MARK2: variants seen among roughly 807,000 people sequenced by gnomAD.
MARK2 encodes the protein microtubule affinity regulating kinase 2.
A neutral mutation model predicts 89.8 loss-of-function variants in MARK2; 16 were observed. The ratio of observed to expected loss-of-function variants is 0.18; its 90% confidence interval spans 0.12 to 0.27. The LOEUF (loss-of-function observed/expected upper bound fraction) is 0.27, where lower values mean the gene tolerates loss of function less well. Ranked by LOEUF, MARK2 falls within the 10% of genes least tolerant of loss-of-function variation. MARK2 has a pLI of 1.00. For synonymous variants in MARK2, 382 were observed against 399.5 expected (o/e 0.96, Z 0.52); for missense variants, 621 against 1,049.9 (o/e 0.59, Z 5.65).
intron 1 of MARK2, among the ~76,000 whole-genome samples, chr11:63,858,767 C>G (rs957333013): frequency 1.3e-5 from 2 of 152,190 alleles, no homozygotes; most frequent in Non-Finnish European, 2.9e-5. Flanking sequence ...CTTTTGTAAA[C>G]AGAGATAGGA....
At chr11:63,883,792 G>T (rs1939240894) in intron 1 of MARK2, among the ~76,000 whole-genome samples, 1 of 152,054 alleles carries the variant, frequency 6.6e-6, no homozygotes, top group Admixed American at 6.6e-5. Flanking sequence ...TTGCCATGTT[G>T]CCCAGGCTGG....
chr11:63,900,469 C>A lies in MARK2; in HGVS notation c.769-90C>A. The A allele has an allele frequency of 6.9e-7, 1 of 1,457,464 alleles. No homozygotes were observed. The highest frequency in any genetic ancestry group is 9.4e-7 in the Non-Finnish European group (1 of 1,065,452). The allele number at this position is 1,457,464 out of a possible 1,614,324, so 90.3% of individuals were successfully genotyped here. On this transcript the variant is annotated intron_variant, in intron 8 of 18. Coordinates refer to ENST00000402010, the MANE Select transcript of MARK2 (RefSeq NM_001039469.3). This position sits in a 1 kb window ranked among gnomAD's most constrained non-coding sequence, Gnocchi z 4.7. ...CCATATTTCATTTATGTCTGCTTTG[C>A]CAGGCTTAAGCTCTCAGGATCTTGG...
At chr11:63,867,538 C>CT (rs1002698545) in intron 1 of MARK2, among the ~76,000 whole-genome samples, 4 of 152,226 alleles carry the variant, frequency 2.6e-5, no homozygotes, top group Non-Finnish European at 5.9e-5. Flanking sequence ...TTGTAAGGGG[C>CT]TTTTTCCAAC....
intron 1 of MARK2, among the ~76,000 whole-genome samples, chr11:63,892,268 C>T (rs1244314770): frequency 6.6e-6 from 1 of 152,202 alleles, no homozygotes; most frequent in Admixed American, 6.5e-5. Flanking sequence ...TTTCTGGGAT[C>T]TGGTCAAACA....
At position 63,902,142 on chromosome 11, in the gene MARK2, T is replaced by C. The variant is rs1940947477; in HGVS notation, c.1102-56T>C. The C allele has an allele frequency of 5.0e-6, 8 of 1,601,850 alleles. No homozygotes were observed. In the Middle Eastern group the frequency reaches 1.0e-3, roughly 199 times the overall value. On this transcript the variant is annotated intron_variant, in intron 11 of 18. Coordinates refer to ENST00000402010, the MANE Select transcript of MARK2 (RefSeq NM_001039469.3). This position sits in a 1 kb window ranked among gnomAD's most constrained non-coding sequence, Gnocchi z 4.2. ...CGGTATGTGTAAATGTGTCCATCCA[T>C]AGGGATCTCCACATGACTTCTGCCC...
intron 16 of MARK2, among the ~76,000 whole-genome samples, chr11:63,905,652 G>A (rs772098108): frequency 7.2e-5 from 11 of 152,178 alleles, no homozygotes; most frequent in East Asian, 3.9e-4. Flanking sequence ...ATCTCTTCAC[G>A]GGGTTTCTCA....
At chr11:63,893,234 G>A (rs997564305) in intron 1 of MARK2, among the ~76,000 whole-genome samples, 13 of 149,424 alleles carry the variant, frequency 8.7e-5, no homozygotes, top group East Asian at 2.0e-4. Context: ...GCCCAGGCTC[G>A]TCTCAAGCTC....
In MARK2 at chr11:63,851,370, T is replaced by TGGAGGATTGCTTGAGGCC. The variant is rs531860935; in HGVS notation, c.54+11811_54+11828dup. Among the ~76,000 whole-genome samples the TGGAGGATTGCTTGAGGCC allele has an allele frequency of 2.8e-3, 424 of 152,300 alleles. 3 individuals are homozygous for TGGAGGATTGCTTGAGGCC. The East Asian group carries it at 0.044, about 16-fold the overall frequency. ...CTGAGGCAGGAGGGTCACTTGAGGC[T>TGGAGGATTGCTTGAGGCC]GGAGGATTGCTTGAGGCCAGCCTGG... On this transcript the variant is annotated intron_variant, in intron 1 of 18. Coordinates refer to ENST00000402010, the MANE Select transcript of MARK2 (RefSeq NM_001039469.3).
At chr11:63,853,747 T>C (rs1377991897) in intron 1 of MARK2, among the ~76,000 whole-genome samples, 1 of 152,238 alleles carries the variant, frequency 6.6e-6, no homozygotes, top group Non-Finnish European at 1.5e-5. Context: ...TGTCATGGTC[T>C]TCTTTCCCAC....
At position 63,895,612 on chromosome 11, in the gene MARK2, G is replaced by A; in HGVS notation, c.267G>A (p.Leu89=). ...VAVKIIDKTQ[L]NSSSLQKLFR... is the part of the protein sequence containing the mutation. Reference sequence around the variant, plus strand: ...TGAAGATCATTGACAAGACTCAACTGAACTCCTCCAGCCTCCAGAAAGTAA... The same window carrying A: ...TGAAGATCATTGACAAGACTCAACTAAACTCCTCCAGCCTCCAGAAAGTAA... Residue 89 remains leucine, a synonymous_variant, in exon 3 of 19, where the codon CTG becomes CTA. Transcript: ENST00000402010. 1 of 1,599,280 alleles carries A rather than the reference G, an allele frequency of 6.3e-7. No homozygotes were observed. Among genetic ancestry groups the A allele is most frequent in the Non-Finnish European group, 8.5e-7 (1 of 1,171,746 alleles).
chr11:63,877,092 A>G (rs997912751), intron 1 of MARK2, among the ~76,000 whole-genome samples: 3 of 145,286 alleles, frequency 2.1e-5, no homozygotes, highest in African/African-American at 7.6e-5. Flanking sequence ...AACCAGTTCA[A>G]TCAGACTCTT....
In MARK2 at chr11:63,900,251, C is replaced by G; in HGVS notation, c.768+141C>G. The G allele has an allele frequency of 1.4e-6, 1 of 724,226 alleles. No homozygotes were observed. The highest frequency in any genetic ancestry group is 2.5e-5 in the East Asian group (1 of 40,710). 44.9% of individuals were successfully genotyped at this position (724,226 alleles called of 1,614,324 possible). ...AAGGGCTTGCTGAGGTAGCAGCAGT[C>G]AAAGGCCTTCTGCACCTGGGAATGA... On this transcript the variant is annotated intron_variant, in intron 8 of 18. Coordinates refer to ENST00000402010, the MANE Select transcript of MARK2 (RefSeq NM_001039469.3). This position sits in a 1 kb window ranked among gnomAD's most constrained non-coding sequence, Gnocchi z 4.7.
chr11:63,863,960 A>T (rs986026729), intron 1 of MARK2, among the ~76,000 whole-genome samples: 9 of 151,162 alleles, frequency 6.0e-5, no homozygotes, highest in Non-Finnish European at 1.0e-4. Flanking sequence ...TTATTTATTT[A>T]TTTATTTTTT....
chr11:63,907,130 C>G lies in MARK2; in HGVS notation c.1961+1016C>G, dbSNP rs77984632. Among the ~76,000 whole-genome samples, 7 of 152,328 alleles carry G rather than the reference C, an allele frequency of 4.6e-5. No homozygotes were observed. The East Asian group carries it at 1.4e-3, about 29-fold the overall frequency. On this transcript the variant is annotated intron_variant, in intron 17 of 18. Coordinates refer to ENST00000402010, the MANE Select transcript of MARK2 (RefSeq NM_001039469.3). ...GGGCCAGGTTAAGAGTGCTTGTTCC[C>G]CAAGGCTGTCTGCTCAGGCCCTGCA...
At chr11:63,845,850 A>G (rs1352573411) in intron 1 of MARK2, among the ~76,000 whole-genome samples, 1 of 151,954 alleles carries the variant, frequency 6.6e-6, no homozygotes, top group Non-Finnish European at 1.5e-5. Context: ...AGTCTTCCAA[A>G]TAACCAGGAT....
intron 1 of MARK2, among the ~76,000 whole-genome samples, chr11:63,889,548 C>T (rs1939664187): frequency 1.3e-5 from 2 of 152,244 alleles, no homozygotes; most frequent in Admixed American, 1.3e-4. Flanking sequence ...AGGCTGTCTT[C>T]CGGGCAAGCC....
chr11:63,902,173 T>C lies in MARK2; in HGVS notation c.1102-25T>C. 1.2e-6 allele frequency: 2 copies of C among 1,613,438 alleles called. No homozygotes were observed. The highest frequency in any genetic ancestry group is 1.7e-6 in the Non-Finnish European group (2 of 1,179,536). ...TCTCCACATGACTTCTGCCCTCCCT[T>C]GAAGCTGTTTTCTGTTTCTTTCAGC... On this transcript the variant is annotated intron_variant, in intron 11 of 18. Transcript: ENST00000402010. This position sits in a 1 kb window ranked among gnomAD's most constrained non-coding sequence, Gnocchi z 4.2.
chr11:63,851,655 T>C (rs1480599701), intron 1 of MARK2, among the ~76,000 whole-genome samples: 1 of 152,218 alleles, frequency 6.6e-6, no homozygotes, highest in Non-Finnish European at 1.5e-5. Context: ...AGGATATGAA[T>C]TTTGATCTCC....
rs35231498 is a variant in MARK2, at chr11:63,901,473, C to CTTTTTTTTT, written c.1101+418_1101+426dup. Reference sequence around the variant, plus strand: ...TCTGATCGGAAGTTTGAGTCTGTTGCTTTTTTTTTTTTTTTTTTTTTTGAG... The same window carrying CTTTTTTTTT: ...TCTGATCGGAAGTTTGAGTCTGTTGCTTTTTTTTTTTTTTTTTTTTTTTTTTTTTTTGAG... On this transcript the variant is annotated intron_variant, in intron 11 of 18. Transcript: ENST00000402010. Among the ~76,000 whole-genome samples, 50 of 57,698 alleles carry CTTTTTTTTT rather than the reference C, an allele frequency of 8.7e-4. 6 individuals are homozygous for CTTTTTTTTT. The highest frequency in any genetic ancestry group is 1.3e-3 in the African/African-American group (16 of 12,488). 37.9% of individuals were successfully genotyped at this position (57,698 alleles called of 152,430 possible).
Sources: gnomAD v4.1 joint callset for allele counts (sites outside exome capture counted in the v4.1 genomes callset) on GRCh38, gnomAD v4.1.1 for gene constraint, Gnocchi (gnomAD v3.1) non-coding constraint, MANE v1.5 for transcripts, NCBI Gene and HGNC (gene_info 2026-07-23, HGNC 2026-07-21) for gene names.